Variants in KAZN observed in about 807,000 individuals in gnomAD.
The protein encoded by KAZN is kazrin, periplakin interacting protein.
In KAZN, 40 loss-of-function variants were observed where a neutral mutation model predicts 87.4. That is an observed-to-expected ratio of 0.46 (90% CI 0.36 to 0.60). The LOEUF is 0.60. Ranked by LOEUF, KAZN falls within the 20% of genes least tolerant of loss-of-function variation. The pLI is 0.00. For synonymous variants in KAZN, 466 were observed against 458.3 expected (o/e 1.02, Z -0.22); for missense variants, 898 against 1,073.9 (o/e 0.84, Z 2.29).
At chr1:14,495,756 T>C (rs1240210503) in intron 2 of KAZN, among the ~76,000 whole-genome samples, 1 of 152,048 alleles carries the variant, frequency 6.6e-6, no homozygotes, top group Non-Finnish European at 1.5e-5. Context: ...ACCATTGACT[T>C]GGTTAGGAAA....
At chr1:14,313,223 ACCAGCCCC>A (rs1283001864) in intron 2 of KAZN, among the ~76,000 whole-genome samples, 2 of 152,050 alleles carry the variant, frequency 1.3e-5, no homozygotes, top group Admixed American at 6.6e-5. Context: ...ACACCTCTCC[ACCAGCCCC>A]CCACCGAAAG....
At chr1:14,399,063 T>A (rs1399811201) in intron 2 of KAZN, among the ~76,000 whole-genome samples, 2 of 152,278 alleles carry the variant, frequency 1.3e-5, no homozygotes, top group Non-Finnish European at 2.9e-5. Context: ...TCTCACTCTG[T>A]CACCCAGGCT....
At chr1:14,717,605 C>T (rs1466209000) in intron 1 of KAZN, among the ~76,000 whole-genome samples, 1 of 152,184 alleles carries the variant, frequency 6.6e-6, no homozygotes, top group African/African-American at 2.4e-5. Context: ...AGCATGATCT[C>T]ATCTTGACCT....
At chr1:14,073,452 C>T (rs1450577393) in intron 1 of KAZN, among the ~76,000 whole-genome samples, 3 of 151,910 alleles carry the variant, frequency 2.0e-5, no homozygotes, top group African/African-American at 7.3e-5. Flanking sequence ...GCAGAATGTG[C>T]GGGTTTGTTG....
intron 1 of KAZN, among the ~76,000 whole-genome samples, chr1:14,819,901 G>A (rs1646688734): frequency 6.6e-6 from 1 of 151,594 alleles, no homozygotes; most frequent in African/African-American, 2.4e-5. Context: ...GTAGAGACAG[G>A]GTTTCACCAT....
At position 15,079,392 on chromosome 1, in the gene KAZN, G is replaced by A. The variant is rs530888011; in HGVS notation, c.1222+13639G>A. On this transcript the variant is annotated intron_variant, in intron 8 of 14. Coordinates refer to ENST00000376030, the MANE Select transcript of KAZN (RefSeq NM_201628.3). ...TTAATTATTAAAGTAATAACTAGTCGTTAAATTGTGGACACAAGATGAAGG... is the reference window on the plus strand; with the variant it reads ...TTAATTATTAAAGTAATAACTAGTCATTAAATTGTGGACACAAGATGAAGG... 1.5e-4 allele frequency among the ~76,000 whole-genome samples: 23 copies of A among 152,100 alleles called. 1 individual carries two copies. The highest frequency in any genetic ancestry group is 2.1e-4 in the South Asian group (1 of 4,814).
intron 2 of KAZN, among the ~76,000 whole-genome samples, chr1:14,350,083 G>A (rs948747803): frequency 6.8e-6 from 1 of 146,648 alleles, no homozygotes; most frequent in African/African-American, 2.5e-5. Flanking sequence ...GCAGTGAGCT[G>A]AGATCGCGCC....
intron 1 of KAZN, among the ~76,000 whole-genome samples, chr1:13,972,501 G>A (rs1642176136): frequency 6.6e-6 from 1 of 152,112 alleles, no homozygotes; most frequent in African/African-American, 2.4e-5. Flanking sequence ...CAGAGCACAG[G>A]CAGCTACATA....
At chr1:13,923,775 A>C (rs1640163157) in intron 1 of KAZN, among the ~76,000 whole-genome samples, 1 of 151,156 alleles carries the variant, frequency 6.6e-6, no homozygotes, top group African/African-American at 2.4e-5. Flanking sequence ...ACTTGATGTC[A>C]CTTTTATTGA....
At chr1:14,519,340 G>A (rs2148461457) in intron 2 of KAZN, among the ~76,000 whole-genome samples, 1 of 152,164 alleles carries the variant, frequency 6.6e-6, no homozygotes, top group South Asian at 2.1e-4. Flanking sequence ...CAGTTCTTTG[G>A]GCAGAATCCA....
chr1:14,075,405 G>C (rs983418307), intron 1 of KAZN, among the ~76,000 whole-genome samples: 1 of 152,106 alleles, frequency 6.6e-6, no homozygotes, highest in African/African-American at 2.4e-5. Context: ...CGCAAGAGAA[G>C]AGAAAATGAA....
intron 1 of KAZN, among the ~76,000 whole-genome samples, chr1:14,008,994 C>T (rs1426569998): frequency 6.6e-6 from 1 of 152,186 alleles, no homozygotes; most frequent in Non-Finnish European, 1.5e-5. Context: ...CTGGCGACTA[C>T]CGTTCTATTT....
chr1:14,101,101 C>T (rs1404998263), intron 1 of KAZN, among the ~76,000 whole-genome samples: 1 of 152,190 alleles, frequency 6.6e-6, no homozygotes, highest in Non-Finnish European at 1.5e-5. Context: ...TATTTATCAG[C>T]AGCGTGAAAA....
chr1:15,034,139 A>G (rs1299353714), intron 2 of KAZN, among the ~76,000 whole-genome samples: 4 of 152,106 alleles, frequency 2.6e-5, no homozygotes, highest in Non-Finnish European at 5.9e-5. Flanking sequence ...ATTTGCAAAT[A>G]TTTTCTCCCA....
At chr1:14,704,206 A>G (rs1304338863) in intron 1 of KAZN, among the ~76,000 whole-genome samples, 1 of 152,248 alleles carries the variant, frequency 6.6e-6, no homozygotes, top group African/African-American at 2.4e-5. Context: ...GAAAGGAAAT[A>G]TCAAGAATAG....
At chr1:14,078,458 G>A (rs999581469) in intron 1 of KAZN, among the ~76,000 whole-genome samples, 1 of 152,182 alleles carries the variant, frequency 6.6e-6, no homozygotes, top group Non-Finnish European at 1.5e-5. Context: ...GTAAGAGAGG[G>A]ACCAAATCTG....
At chr1:14,403,023 C>T (rs373374002) in intron 2 of KAZN, among the ~76,000 whole-genome samples, 24 of 152,088 alleles carry the variant, frequency 1.6e-4, no homozygotes, top group African/African-American at 2.7e-4. Flanking sequence ...GACGAGGTTT[C>T]GCCACATTGG....
intron 1 of KAZN, among the ~76,000 whole-genome samples, chr1:14,141,572 T>C (rs1326395043): frequency 6.6e-6 from 1 of 152,110 alleles, no homozygotes; most frequent in South Asian, 2.1e-4. Flanking sequence ...CCATTTGCCA[T>C]GTAAATCACT....
chr1:14,291,404 C>A (rs1653681581), intron 2 of KAZN, among the ~76,000 whole-genome samples: 1 of 152,210 alleles, frequency 6.6e-6, no homozygotes, highest in African/African-American at 2.4e-5. Context: ...GACACCCCTC[C>A]CCCAGCCAGG....
Sources: gnomAD v4.1 joint callset for allele counts (sites outside exome capture counted in the v4.1 genomes callset) on GRCh38, gnomAD v4.1.1 for gene constraint, MANE v1.5 for transcripts, NCBI Gene and HGNC (gene_info 2026-07-23, HGNC 2026-07-21) for gene names.